Variants in STPG2 observed in about 807,000 individuals in gnomAD.
STPG2 encodes the protein sperm-tail PG-rich repeat-containing protein 2.
In STPG2, 56 loss-of-function variants were observed where a neutral mutation model predicts 54.2. That is an observed-to-expected ratio of 1.03 (90% confidence interval 0.83 to 1.29). The LOEUF (loss-of-function observed/expected upper bound fraction) is 1.29. STPG2 is among the 50% of genes most tolerant of loss of function. The probability of loss-of-function intolerance (pLI) is 0.00; values close to 1 mark genes in which losing one functional copy is unlikely to be tolerated. For missense variants in STPG2, 596 were observed against 544.9 expected (o/e 1.09, Z -0.93); for synonymous variants, 200 against 181.8 (o/e 1.10, Z -0.81).
At chr4:98,087,607 T>G (rs1052047668) in intron 5 of STPG2, among the ~76,000 whole-genome samples, 1 of 149,024 alleles carries the variant, frequency 6.7e-6, no homozygotes, top group Non-Finnish European at 1.5e-5. Flanking sequence ...GTCGCTCAGG[T>G]TGGAATGCAG....
chr4:97,942,975 C>T (rs957779102), intron 8 of STPG2, among the ~76,000 whole-genome samples: 3 of 152,116 alleles, frequency 2.0e-5, no homozygotes, highest in African/African-American at 7.2e-5. Context: ...AGTGCTATAA[C>T]AAAATACCAT....
In STPG2 at chr4:97,616,403, C is replaced by A. The variant is rs556578865; in HGVS notation, c.1321-57286G>T. Among the ~76,000 whole-genome samples, 17 of 151,980 alleles carry A rather than the reference C, an allele frequency of 1.1e-4. No individual in the cohort carries two copies. The South Asian group carries it at 2.5e-3, about 22-fold the overall frequency. ...TACCAAGGTTTCAACTTTTATACTT[C>A]AATTTTCATAGGCAAAGTAGCACTA... On this transcript the variant is annotated intron_variant, in intron 10 of 10. Transcript: ENST00000295268.
intron 5 of STPG2, among the ~76,000 whole-genome samples, chr4:98,041,413 G>A (rs1378291474): frequency 1.3e-5 from 2 of 151,614 alleles, no homozygotes; most frequent in Non-Finnish European, 3.0e-5. Context: ...CACTTCTTGT[G>A]GGAGAAGAGG....
At chr4:97,589,630 T>C (rs1419270564) in intron 10 of STPG2, among the ~76,000 whole-genome samples, 1 of 152,124 alleles carries the variant, frequency 6.6e-6, no homozygotes, top group Admixed American at 6.6e-5. Context: ...GTCATAACTA[T>C]TCAACTCAGC....
chr4:97,891,075 C>A (rs1490246206), intron 8 of STPG2, among the ~76,000 whole-genome samples: 1 of 151,820 alleles, frequency 6.6e-6, no homozygotes, highest in Non-Finnish European at 1.5e-5. Flanking sequence ...AATTGAAAGT[C>A]AAGGGAGAAC....
intron 10 of STPG2, among the ~76,000 whole-genome samples, chr4:97,590,640 C>CAG (rs1553940795): frequency 4.8e-5 from 7 of 144,784 alleles, no homozygotes; most frequent in African/African-American, 1.8e-4. Flanking sequence ...GACACACAGA[C>CAG]ACACACACAC....
chr4:97,538,734 T>C (rs1325143787), intron 4 of STPG2, among the ~76,000 whole-genome samples: 1 of 152,006 alleles, frequency 6.6e-6, no homozygotes, highest in Non-Finnish European at 1.5e-5. Flanking sequence ...CCAAGACACA[T>C]AATTGTCAGA....
chr4:97,655,103 A>C (rs955187575), intron 10 of STPG2, among the ~76,000 whole-genome samples: 1 of 152,092 alleles, frequency 6.6e-6, no homozygotes, highest in African/African-American at 2.4e-5. Context: ...TTTATATAGT[A>C]TGTGTTTTAC....
chr4:97,848,169 G>T (rs1292172616), intron 8 of STPG2, among the ~76,000 whole-genome samples: 2 of 152,152 alleles, frequency 1.3e-5, no homozygotes, highest in African/African-American at 4.8e-5. Flanking sequence ...AACTGTAAAA[G>T]CCAGTTCAAG....
In STPG2 at chr4:97,957,362, CCAAT is replaced by C. The variant is rs1327964178; in HGVS notation, c.934-13359_934-13356del. On this transcript the variant is annotated intron_variant, in intron 7 of 10. Coordinates refer to ENST00000295268, the MANE Select transcript of STPG2 (RefSeq NM_174952.3). Reference sequence around the variant, plus strand: ...TTGAAGACAATGTTTTTTAATTCACCCAATCAAACAAAGACAAAGAAAAAAAATA... The same window carrying C: ...TTGAAGACAATGTTTTTTAATTCACCCAAACAAAGACAAAGAAAAAAAATA... Among the ~76,000 whole-genome samples, 7 of 151,152 alleles carry C rather than the reference CCAAT, an allele frequency of 4.6e-5. No individual in the cohort carries two copies. The East Asian group carries it at 1.2e-3, about 25-fold the overall frequency.
chr4:97,695,642 A>G (rs1043151305), intron 10 of STPG2, among the ~76,000 whole-genome samples: 1 of 152,190 alleles, frequency 6.6e-6, no homozygotes, highest in Non-Finnish European at 1.5e-5. Context: ...AAATGAATTA[A>G]GCAAAGTTTC....
chr4:97,680,107 C>T (rs936612983), intron 10 of STPG2, among the ~76,000 whole-genome samples: 4 of 151,644 alleles, frequency 2.6e-5, no homozygotes, highest in African/African-American at 9.7e-5. Context: ...CTTGGCAATG[C>T]AGGCTCTTTT....
At position 97,537,494 on chromosome 4, in the gene STPG2, G is replaced by A. The variant is rs184628897; in HGVS notation, c.462+175205C>T. Among the ~76,000 whole-genome samples, 8 of 152,322 alleles carry A rather than the reference G, an allele frequency of 5.3e-5. No homozygotes were observed. The East Asian group carries it at 1.4e-3, about 26-fold the overall frequency. On this transcript the variant is annotated intron_variant, in intron 4 of 4. Coordinates refer to the STPG2 transcript ENST00000522676. ...AACTGCAAGGCAGCAGCAAGGCTGGGGGAGGAGTGTCCACCATTTCTGAGG... is the reference window on the plus strand; with the variant it reads ...AACTGCAAGGCAGCAGCAAGGCTGGAGGAGGAGTGTCCACCATTTCTGAGG...
intron 8 of STPG2, among the ~76,000 whole-genome samples, chr4:97,867,362 A>G (rs1446905471): frequency 6.6e-6 from 1 of 151,880 alleles, no homozygotes; most frequent in African/African-American, 2.4e-5. Context: ...TTTATATTGG[A>G]AAAATGTCAG....
chr4:97,706,139 C>A (rs1723932937), intron 10 of STPG2, among the ~76,000 whole-genome samples: 1 of 152,098 alleles, frequency 6.6e-6, no homozygotes, highest in Non-Finnish European at 1.5e-5. Flanking sequence ...TAGTGGAACT[C>A]TTTTTCTAAC....
At chr4:97,447,490 G>T (rs1729253329) in intron 4 of STPG2, among the ~76,000 whole-genome samples, 4 of 152,182 alleles carry the variant, frequency 2.6e-5, no homozygotes. Context: ...GGTTCTGTGG[G>T]CTGGGACCAA....
At position 97,446,638 on chromosome 4, in the gene STPG2, C is replaced by T. The variant is rs556898576; in HGVS notation, c.463-258805G>A. ...GATGATGGGTACGGTTTCCCCTGTG[C>T]TGTTCTCATGACATTGACTAAGTTC... On this transcript the variant is annotated intron_variant, in intron 4 of 4. Transcript: ENST00000522676. Among the ~76,000 whole-genome samples the T allele has an allele frequency of 3.9e-5, 6 of 152,228 alleles. No individual in the cohort carries two copies. The South Asian group carries it at 1.0e-3, about 26-fold the overall frequency.
chr4:97,633,063 G>T (rs977423063), intron 10 of STPG2, among the ~76,000 whole-genome samples: 8 of 152,068 alleles, frequency 5.3e-5, no homozygotes, highest in African/African-American at 1.7e-4. Flanking sequence ...TATCAACCAT[G>T]TTACAATATG....
chr4:97,517,733 A>C (rs1449467625), intron 4 of STPG2, among the ~76,000 whole-genome samples: 3 of 152,088 alleles, frequency 2.0e-5, no homozygotes, highest in Non-Finnish European at 2.9e-5. Flanking sequence ...AAAGCTATTG[A>C]TTTGACAAAC....
Sources: gnomAD v4.1 joint callset for allele counts (sites outside exome capture counted in the v4.1 genomes callset) on GRCh38, gnomAD v4.1.1 for gene constraint, MANE v1.5 for transcripts, NCBI Gene and HGNC (gene_info 2026-07-23, HGNC 2026-07-21) for gene names.